Variants in SETD1B observed in about 807,000 individuals in gnomAD.
SETD1B encodes the protein SET domain containing 1B, histone lysine methyltransferase, also known as histone-lysine N-methyltransferase SETD1B.
SETD1B carries 7 observed loss-of-function variants against 148.0 expected under a neutral mutation model. The observed-to-expected ratio is 0.05, with a 90% CI of 0.03 to 0.09. SETD1B has a LOEUF of 0.09. Ranked by LOEUF, SETD1B falls within the 10% of genes least tolerant of loss-of-function variation. The pLI, the probability that SETD1B is intolerant of heterozygous loss-of-function variation, is 1.00. For synonymous variants in SETD1B, 1,361 were observed against 1,186.5 expected, an observed-to-expected ratio of 1.15 and a Z score of -3.02; for missense variants, 2,155 against 2,729.9, an observed-to-expected ratio of 0.79 and a Z score of 4.69.
the SETD1B span, chr12:121,793,269 A>C: frequency 2.6e-6 from 4 of 1,541,130 alleles, no homozygotes; most frequent in Non-Finnish European, 3.5e-6. Context: ...GTTGGTCCTT[A>C]GTGGGGCCGG....
upstream of SETD1B, chr12:121,803,594 C>T (rs949918202): frequency 6.6e-6 from 1 of 152,210 alleles, no homozygotes; most frequent in Non-Finnish European, 1.5e-5. The surrounding 1 kb of genome is among the most constrained non-coding windows in gnomAD (Gnocchi z 4.7). Context: ...CCACACACAC[C>T]CTCGGCCCCC....
Position 121,823,091 on chromosome 12 carries a change from G to A in SETD1B, c.4512G>A (p.Leu1504=). Residue 1504 remains leucine, a synonymous_variant, in exon 12 of 17, where the codon CTG becomes CTA. Transcript: ENST00000604567. The part of the protein sequence containing the change: ...ARAPTPLPPL[L]PAPLASCPPP... ...CGCCCACCCCGCTGCCACCCCTGCT[G>A]CCCGCCCCCCTGGCCTCTTGCCCTC... The A allele has an allele frequency of 2.3e-6, 3 of 1,327,298 alleles. No homozygotes were observed. Among genetic ancestry groups the A allele is most frequent in the Non-Finnish European group, 2.9e-6 (3 of 1,038,898 alleles). 82.2% of individuals were successfully genotyped at this position (1,327,298 alleles called of 1,614,324 possible). A position where few individuals can be genotyped will look rare whatever the true frequency, so the allele number is the denominator to read the frequency against.
rs574075717 is a variant in SETD1B at position 121,817,527 on chromosome 12, G to A, written c.3135G>A (p.Ser1045=). 1.1e-5 allele frequency: 17 copies of A among 1,551,530 alleles called. No individual in the cohort carries two copies. Among genetic ancestry groups the A allele is most frequent in the South Asian group, 3.6e-5 (3 of 84,064 alleles). The change falls in exon 9 of 17, where the codon TCG becomes TCA. Residue 1045 remains serine, a synonymous_variant. Transcript: ENST00000604567. This position sits in a 1 kb window ranked among gnomAD's most constrained non-coding sequence, Gnocchi z 8.1. ...EDEKESLSAS[S]SSSASSSSGS... ...AGAAGGAGTCATTGTCGGCGTCCTC[G>A]TCCTCATCCGCGTCATCATCCTCGG...
chr12:121,817,269 G>A lies in SETD1B; in HGVS notation c.2952G>A (p.Ser984=), dbSNP rs1461592380. Residue 984 remains serine, a synonymous_variant, in exon 8 of 17, where the codon TCG becomes TCA. Coordinates refer to ENST00000604567, the MANE Select transcript of SETD1B (RefSeq NM_001353345.2). This position sits in a 1 kb window ranked among gnomAD's most constrained non-coding sequence, Gnocchi z 8.1. ...GCGACCAGAAGCGGCTGCGGCCCTC[G>A]ACCTCTGTGGATGAGGAAGATGAAG... ...SSGDQKRLRP[S]TSVDEEDEES... is the part of the protein sequence containing the mutation. 7 of 1,550,702 alleles carry A rather than the reference G, an allele frequency of 4.5e-6. No individual in the cohort carries two copies. In the Admixed American group the frequency reaches 5.9e-5, roughly 13 times the overall value.
intron 4 of SETD1B, among the ~76,000 whole-genome samples, chr12:121,807,109 G>A (rs1875780623): frequency 1.3e-5 from 2 of 152,210 alleles, no homozygotes; most frequent in South Asian, 4.1e-4. Flanking sequence ...AGGAAAATCA[G>A]AACTTTTCTT....
At position 121,805,692 on chromosome 12, in the gene SETD1B, T is replaced by A. The variant is rs1475047581; in HGVS notation, c.274-143T>A. 314 of 235,904 alleles carry A rather than the reference T, an allele frequency of 1.3e-3. 4 individuals carry two copies. The highest frequency in any genetic ancestry group is 7.3e-3 in the East Asian group (38 of 5,214). The allele number at this position is 235,904 out of a possible 1,614,324, so 14.6% of individuals were successfully genotyped here. A position where few individuals can be genotyped will look rare whatever the true frequency, so the allele number is the denominator to read the frequency against. On this transcript the variant is annotated intron_variant, in intron 3 of 16. Transcript: ENST00000604567. The surrounding 1 kb of genome is among the most constrained non-coding windows in gnomAD (Gnocchi z 4.2). ...GCATTTTTTTTTTCCAAAAAAAATT[T>A]TTTTTTTTTTTTTAATTTTTAGTTT...
At position 121,804,675 on chromosome 12, in the gene SETD1B, G is replaced by A; in HGVS notation, c.-14-49G>A. 1 of 1,410,470 alleles carries A rather than the reference G, an allele frequency of 7.1e-7. No individual in the cohort carries two copies. The allele number at this position is 1,410,470 out of a possible 1,614,324, so 87.4% of individuals were successfully genotyped here. A position where few individuals can be genotyped will look rare whatever the true frequency, so the allele number is the denominator to read the frequency against. ...ATTCTTTCGCGTGTGTGTAGAAGCG[G>A]CCGCCGCCGCCGCCGCGGCGGAGAC... On this transcript the variant is annotated intron_variant, in intron 1 of 16. Coordinates refer to ENST00000604567, the MANE Select transcript of SETD1B (RefSeq NM_001353345.2). The surrounding 1 kb of genome is among the most constrained non-coding windows in gnomAD (Gnocchi z 4.6).
chr12:121,823,805 C>G lies in SETD1B; in HGVS notation c.5170+56C>G, dbSNP rs1876705319. On this transcript the variant is annotated intron_variant, in intron 12 of 16. Transcript: ENST00000604567. ...TTCTGGGATGCAGGAAGTCCCTGCT[C>G]ACCTCTCTGGGCCCCACCACCCAGT... 4.0e-6 allele frequency: 6 copies of G among 1,490,540 alleles called. No individual in the cohort carries two copies. The Admixed American group carries it at 6.2e-5, about 15-fold the overall frequency. 92.3% of individuals were successfully genotyped at this position (1,490,540 alleles called of 1,614,324 possible).
At chr12:121,803,110 G>C (rs1005031875), upstream of SETD1B, 1 of 151,946 alleles carries the variant, frequency 6.6e-6, no homozygotes, top group African/African-American at 2.4e-5. The surrounding 1 kb of genome is among the most constrained non-coding windows in gnomAD (Gnocchi z 4.7). Context: ...CCGAGCCCCG[G>C]CGAGGCGGCT....
At chr12:121,825,660 G>C (rs139209233) in intron 13 of SETD1B, among the ~76,000 whole-genome samples, 3 of 151,718 alleles carry the variant, frequency 2.0e-5, no homozygotes, top group African/African-American at 4.8e-5. Flanking sequence ...TTTTTTTTAG[G>C]GGGGGACAAA....
chr12:121,805,326 C>A lies in SETD1B; in HGVS notation c.273+110C>A. On this transcript the variant is annotated intron_variant, in intron 3 of 16. Coordinates refer to ENST00000604567, the MANE Select transcript of SETD1B (RefSeq NM_001353345.2). The surrounding 1 kb of genome is among the most constrained non-coding windows in gnomAD (Gnocchi z 4.2). ...GATTCCCAGTTCCCGCCGTCCGGGGCCAGGGAAGTTTTGGCGGGGAGGGGT... is the reference window on the plus strand; with the variant it reads ...GATTCCCAGTTCCCGCCGTCCGGGGACAGGGAAGTTTTGGCGGGGAGGGGT... The A allele has an allele frequency of 2.1e-6, 2 of 965,196 alleles. No individual in the cohort carries two copies. The highest frequency in any genetic ancestry group is 3.1e-6 in the Non-Finnish European group (2 of 639,412). The allele number at this position is 965,196 out of a possible 1,614,324, so 59.8% of individuals were successfully genotyped here. A position where few individuals can be genotyped will look rare whatever the true frequency, so the allele number is the denominator to read the frequency against.
Position 121,823,203 on chromosome 12 carries a change from G to A in SETD1B, c.4624G>A (p.Gly1542Arg), listed in dbSNP as rs978913611. The change falls in exon 12 of 17, where the codon GGG becomes AGG. Residue 1542 changes from glycine to arginine, a missense_variant. Gly to Arg is a moderately radical substitution (Grantham distance 125). Around this residue, in one of 11 missense-constraint regions of SETD1B, gnomAD observed 862 missense variants for 873.8 expected, o/e 0.99. Coordinates refer to ENST00000604567, the MANE Select transcript of SETD1B (RefSeq NM_001353345.2). The part of the protein sequence containing the change: ...LDGPLVRPPA[G>R]AALGRELLLL... Reference sequence around the variant, plus strand: ...TGGGCCCTTGGTCCGACCACCAGCAGGGGCCGCCCTTGGAAGGGAACTCCT... The same window carrying A: ...TGGGCCCTTGGTCCGACCACCAGCAAGGGCCGCCCTTGGAAGGGAACTCCT... 1.3e-6 allele frequency: 2 copies of A among 1,548,788 alleles called. No homozygotes were observed. The highest frequency in any genetic ancestry group is 1.7e-6 in the Non-Finnish European group (2 of 1,146,818).
chr12:121,797,780 T>A, the SETD1B span: 1 of 353,382 alleles, frequency 2.8e-6, no homozygotes, highest in South Asian at 2.1e-5. Context: ...GCAACGGGGT[T>A]CAATGGCAGA....
At chr12:121,793,865 TCAGCTGCGAGCAAA>T in the SETD1B span, 1 of 410,556 alleles carries the variant, frequency 2.4e-6, no homozygotes, top group East Asian at 4.1e-5. Context: ...AAAACGGGGC[TCAGCTGCGAGCAAA>T]GCTCCCACCC....
Position 121,808,123 on chromosome 12 carries a change from C to G in SETD1B, c.545-85C>G, listed in dbSNP as rs571354721. On this transcript the variant is annotated intron_variant, in intron 4 of 16. Transcript: ENST00000604567. This position sits in a 1 kb window ranked among gnomAD's most constrained non-coding sequence, Gnocchi z 5.3. The stretch of plus-strand genomic sequence containing the variant: ...GGGGTCTCGGGCACAAGGGACCCAC[C>G]AGGGTGCCACACAGGTTGGAATCCT... The G allele has an allele frequency of 4.3e-5, 46 of 1,079,150 alleles. No individual in the cohort carries two copies. The highest frequency in any genetic ancestry group is 6.0e-5 in the Non-Finnish European group (44 of 735,936). 66.8% of individuals were successfully genotyped at this position (1,079,150 alleles called of 1,614,324 possible).
At chr12:121,806,289 G>C (rs952997253) in intron 4 of SETD1B, among the ~76,000 whole-genome samples, 184 bp downstream of exon 4, 1 of 151,786 alleles carries the variant, frequency 6.6e-6, no homozygotes, top group African/African-American at 2.4e-5. Context: ...CTGTTGCTAG[G>C]AGACAGTCTG....
intron 11 of SETD1B, among the ~76,000 whole-genome samples, chr12:121,820,475 A>C (rs1876515005): frequency 6.6e-6 from 1 of 152,202 alleles, no homozygotes; most frequent in Non-Finnish European, 1.5e-5. Flanking sequence ...AATAGTGTTC[A>C]ATTTATTTTG....
Position 121,824,942 on chromosome 12 carries a change from C to G in SETD1B, c.5171-258C>G, listed in dbSNP as rs1876766194. Among the ~76,000 whole-genome samples the G allele has an allele frequency of 2.0e-5, 3 of 148,146 alleles. No individual in the cohort carries two copies. In the South Asian group the frequency reaches 6.4e-4, roughly 32 times the overall value. On this transcript the variant is annotated intron_variant, in intron 12 of 16. Transcript: ENST00000604567. Reference sequence around the variant, plus strand: ...AGGCTGCAGTAAGCTGAGATTGCACCACTGCACTCGAGCCTGGGCAACAGG... The same window carrying G: ...AGGCTGCAGTAAGCTGAGATTGCACGACTGCACTCGAGCCTGGGCAACAGG...
the SETD1B span, chr12:121,793,418 G>A: frequency 2.0e-5 from 30 of 1,511,768 alleles, no homozygotes; most frequent in Admixed American, 2.0e-5. Flanking sequence ...TCGGGACGCT[G>A]GGGACTGAGG....
Sources: gnomAD v4.1 joint callset for allele counts (sites outside exome capture counted in the v4.1 genomes callset) on GRCh38, gnomAD v4.1.1 for gene constraint, gnomAD v4.1.1 regional missense constraint, Gnocchi (gnomAD v3.1) non-coding constraint, MANE v1.5 for transcripts, NCBI Gene and HGNC (gene_info 2026-07-23, HGNC 2026-07-21) for gene names.